The following MTAP variants were observed in gnomAD, a reference collection of about 807,000 sequenced individuals.
MTAP encodes the protein methylthioadenosine phosphorylase.
In MTAP, 33 loss-of-function variants were observed where a neutral mutation model predicts 33.6. That is an observed-to-expected ratio of 0.98 (90% CI 0.74 to 1.31). The LOEUF is 1.31. Ranked by LOEUF, MTAP falls within the 40% of genes most tolerant of loss-of-function variation. The pLI is 0.00. For missense variants in MTAP, 367 were observed against 360.0 expected (o/e 1.02, Z -0.16); for synonymous variants, 148 against 125.7 (o/e 1.18, Z -1.19).
chr9:21,930,214 G>A (rs1818934716), intron 1 of MTAP: 2 of 279,696 alleles, frequency 7.2e-6, no homozygotes, highest in Admixed American at 8.3e-5. Context: ...CAAACCCCAT[G>A]TACCCAAGTG....
At chr9:21,882,177 C>T (rs1205051072) in intron 1 of MTAP, among the ~76,000 whole-genome samples, 2 of 151,654 alleles carry the variant, frequency 1.3e-5, no homozygotes, top group Non-Finnish European at 2.9e-5. Context: ...GGACTCATCA[C>T]CATATTAAAA....
chr9:21,845,297 A>G (rs1179994078), intron 5 of MTAP, among the ~76,000 whole-genome samples: 3 of 152,204 alleles, frequency 2.0e-5, no homozygotes, highest in Non-Finnish European at 2.9e-5. Flanking sequence ...GACTCATCCA[A>G]AAAGCTCCTA....
At chr9:21,885,129 C>T (rs577290183) in intron 1 of MTAP, among the ~76,000 whole-genome samples, 1 of 152,180 alleles carries the variant, frequency 6.6e-6, no homozygotes, top group African/African-American at 2.4e-5. Flanking sequence ...ATGTGCTTTT[C>T]TGTCTATATG....
downstream of MTAP, chr9:21,935,269 G>A (rs575859596): frequency 6.6e-6 from 1 of 151,980 alleles, no homozygotes; most frequent in African/African-American, 2.4e-5. Context: ...TTTTAATACG[G>A]GTACTTAAAA....
intron 4 of MTAP, among the ~76,000 whole-genome samples, chr9:21,822,676 G>T (rs1296882291): frequency 1.3e-5 from 2 of 152,156 alleles, no homozygotes; most frequent in Non-Finnish European, 2.9e-5. Context: ...TTCAATTCCT[G>T]GATATCCTTG....
exon 8 of MTAP, chr9:21,937,546 C>T (rs1344227775): frequency 6.6e-6 from 1 of 151,968 alleles, no homozygotes; most frequent in Non-Finnish European, 1.5e-5. Flanking sequence ...TTCGTGTTGC[C>T]TTTTTTTGGT....
Position 21,863,407 on chromosome 9 carries a change from A to G in MTAP, c.*1393A>G. 1 of 759,306 alleles carries G rather than the reference A, an allele frequency of 1.3e-6. No homozygotes were observed. The highest frequency in any genetic ancestry group is 1.6e-6 in the Non-Finnish European group (1 of 623,708). 47.0% of individuals were successfully genotyped at this position (759,306 alleles called of 1,614,324 possible). On this transcript the variant is annotated 3_prime_UTR_variant, in exon 8 of 8. Coordinates refer to ENST00000644715, the MANE Select transcript of MTAP (RefSeq NM_002451.4). ...TGGATCACAAGGTCAGGAGATCGAG[A>G]CCATCCTGGCTAATGCGTTGAAACT...
intron 5 of MTAP, among the ~76,000 whole-genome samples, chr9:21,850,919 T>C (rs1825495632): frequency 1.3e-5 from 2 of 152,204 alleles, no homozygotes; most frequent in Non-Finnish European, 2.9e-5. Context: ...ACCTGGACAC[T>C]TTGGGCTCCT....
chr9:21,892,572 A>T (rs1279238750), intron 1 of MTAP: 1 of 152,234 alleles, frequency 6.6e-6, no homozygotes, highest in Non-Finnish European at 1.5e-5. Flanking sequence ...AGACTTAATT[A>T]TCCTAAATAT....
chr9:21,803,051 A>C lies in MTAP; in HGVS notation c.33+270A>C, dbSNP rs1322599274. The C allele has an allele frequency of 1.5e-5, 12 of 795,568 alleles. No individual in the cohort carries two copies. The African/African-American group carries it at 2.8e-4, about 18-fold the overall frequency. The allele number at this position is 795,568 out of a possible 1,614,324, so 49.3% of individuals were successfully genotyped here. ...ACACACACACACCACCTTTTGGCTTATCTGCACCCGCACCCTGTAGGGCGT... is the reference window on the plus strand; with the variant it reads ...ACACACACACACCACCTTTTGGCTTCTCTGCACCCGCACCCTGTAGGGCGT... On this transcript the variant is annotated intron_variant, in intron 1 of 7. Transcript: ENST00000644715.
At chr9:21,846,971 C>T (rs1405659292) in intron 5 of MTAP, among the ~76,000 whole-genome samples, 1 of 152,064 alleles carries the variant, frequency 6.6e-6, no homozygotes, top group Non-Finnish European at 1.5e-5. Flanking sequence ...AGGGTGTTGC[C>T]AAAGGAGATT....
chr9:21,881,450 C>T (rs1818010111), intron 1 of MTAP, among the ~76,000 whole-genome samples: 1 of 151,910 alleles, frequency 6.6e-6, no homozygotes, highest in African/African-American at 2.4e-5. Context: ...CATCAAAGGA[C>T]ACAATCAACA....
chr9:21,872,381 T>A (rs935320483), intron 1 of MTAP, among the ~76,000 whole-genome samples: 1 of 152,090 alleles, frequency 6.6e-6, no homozygotes, highest in African/African-American at 2.4e-5. Context: ...AAACCAATAT[T>A]TTTTTTAAAG....
intron 5 of MTAP, among the ~76,000 whole-genome samples, chr9:21,847,025 G>T (rs1474474970): frequency 6.6e-6 from 1 of 152,160 alleles, no homozygotes; most frequent in Non-Finnish European, 1.5e-5. Context: ...CACCCTTAAT[G>T]TGGGTGGGCA....
rs947891752 is a variant in MTAP at position 21,918,166 on chromosome 9, C to T, written c.148-12842C>T. ...GAGATCGAGACCATCCCGGCTAAAA[C>T]GGTGAAACCCCGTCTCTACTAAAAA... On this transcript the variant is annotated intron_variant, in intron 1 of 1. Coordinates refer to the MTAP transcript ENST00000577563. Among the ~76,000 whole-genome samples the T allele has an allele frequency of 1.9e-4, 25 of 131,082 alleles. 1 individual carries two copies. Among genetic ancestry groups the T allele is most frequent in the Admixed American group, 5.9e-4 (8 of 13,564 alleles). 86.0% of individuals were successfully genotyped at this position (131,082 alleles called of 152,430 possible).
intron 1 of MTAP, among the ~76,000 whole-genome samples, chr9:21,884,364 A>G (rs975841913): frequency 6.6e-6 from 1 of 152,220 alleles, no homozygotes; most frequent in Admixed American, 6.6e-5. Context: ...TGATGGAATA[A>G]TAACATCAAT....
intron 5 of MTAP, among the ~76,000 whole-genome samples, chr9:21,842,506 A>T (rs148657775): frequency 2.3e-3 from 349 of 152,326 alleles, no homozygotes; most frequent in African/African-American, 7.9e-3. Context: ...TGAGACAAAA[A>T]CATCAGATAA....
At chr9:21,883,110 G>A (rs2118709431) in intron 1 of MTAP, among the ~76,000 whole-genome samples, 1 of 150,992 alleles carries the variant, frequency 6.6e-6, no homozygotes, top group Non-Finnish European at 1.5e-5. Context: ...GAAGATATAT[G>A]CAATACTTAT....
intron 4 of MTAP, 118 bp downstream of exon 4, chr9:21,818,320 T>C: frequency 3.9e-6 from 1 of 255,078 alleles, no homozygotes; most frequent in Non-Finnish European, 5.9e-6. Context: ...TCGCTTGCTT[T>C]TTTTTTTTTT....
Sources: gnomAD v4.1 joint callset for allele counts (sites outside exome capture counted in the v4.1 genomes callset) on GRCh38, gnomAD v4.1.1 for gene constraint, MANE v1.5 for transcripts, NCBI Gene and HGNC (gene_info 2026-07-23, HGNC 2026-07-21) for gene names.